The following LMBR1 variants were observed in gnomAD, a reference collection of about 807,000 sequenced individuals.
The protein encoded by LMBR1 is limb development membrane protein 1.
In LMBR1, 52 loss-of-function variants were observed where a neutral mutation model predicts 73.9. The observed-to-expected ratio is 0.70, with a 90% CI of 0.56 to 0.89. The LOEUF is 0.89. LMBR1 is among the 40% of genes least tolerant of loss of function. LMBR1 has a pLI of 0.00. For missense variants in LMBR1, 539 were observed against 579.8 expected (o/e 0.93, Z 0.72); for synonymous variants, 215 against 209.4 (o/e 1.03, Z -0.23).
chr7:156,855,969 G>A (rs1796906963), intron 1 of LMBR1, among the ~76,000 whole-genome samples: 2 of 152,324 alleles, frequency 1.3e-5, no homozygotes, highest in African/African-American at 4.8e-5. Context: ...GCCGAGGCGG[G>A]CAGATCACGA....
At chr7:156,789,809 G>A (rs1298209532) in intron 5 of LMBR1, among the ~76,000 whole-genome samples, 1 of 152,122 alleles carries the variant, frequency 6.6e-6, no homozygotes, top group Non-Finnish European at 1.5e-5. Context: ...CCAAGGGTGA[G>A]TAGTTTTCTA....
intron 1 of LMBR1, among the ~76,000 whole-genome samples, chr7:156,886,461 T>A (rs968544921): frequency 1.3e-5 from 2 of 152,312 alleles, no homozygotes; most frequent in Non-Finnish European, 1.5e-5. Flanking sequence ...AATGAGGCCC[T>A]GTAGTCAGAT....
At chr7:156,799,711 G>A (rs1830620478) in intron 4 of LMBR1, among the ~76,000 whole-genome samples, 1 of 151,792 alleles carries the variant, frequency 6.6e-6, no homozygotes, top group Non-Finnish European at 1.5e-5. Context: ...GAAGCTTAGT[G>A]AGGAAGGCAT....
At chr7:156,711,173 G>A (rs964241455) in intron 15 of LMBR1, among the ~76,000 whole-genome samples, 1 of 152,124 alleles carries the variant, frequency 6.6e-6, no homozygotes. Context: ...AGCTGTGTGT[G>A]GTGGCGCACA....
chr7:156,804,087 T>C (rs912649952), intron 4 of LMBR1, among the ~76,000 whole-genome samples: 1 of 152,038 alleles, frequency 6.6e-6, no homozygotes, highest in African/African-American at 2.4e-5. Context: ...GGCACATGTA[T>C]ACATATGTAA....
intron 9 of LMBR1, 121 bp downstream of exon 9, chr7:156,756,272 T>G: frequency 3.3e-6 from 2 of 598,578 alleles, no homozygotes; most frequent in Non-Finnish European, 5.9e-6. Context: ...TACTCTAAAG[T>G]GTTCTCCTCT....
At chr7:156,786,207 GGGAAGGAAGGA>G (rs1427618840) in intron 5 of LMBR1, among the ~76,000 whole-genome samples, 4 of 145,522 alleles carry the variant, frequency 2.7e-5, no homozygotes, top group Non-Finnish European at 6.1e-5. Context: ...GGGAAGGGAA[GGGAAGGAAGGA>G]GGAAGGGAAG....
intron 2 of LMBR1, among the ~76,000 whole-genome samples, chr7:156,834,291 C>T (rs139864764): frequency 8.8e-4 from 134 of 152,218 alleles, no homozygotes; most frequent in African/African-American, 3.0e-3. Context: ...GCCTCAGTAA[C>T]TCATAATTAT....
At chr7:156,806,729 A>G (rs1031010923) in intron 4 of LMBR1, among the ~76,000 whole-genome samples, 2 of 147,948 alleles carry the variant, frequency 1.4e-5, no homozygotes, top group Admixed American at 1.4e-4. Flanking sequence ...CTCCTGTCTC[A>G]GCCTCCCGAA....
intron 5 of LMBR1, among the ~76,000 whole-genome samples, chr7:156,794,458 T>C (rs1251771799): frequency 6.6e-6 from 1 of 152,176 alleles, no homozygotes; most frequent in African/African-American, 2.4e-5. Context: ...ATTTTTTTCT[T>C]TTTTAATTCT....
Position 156,844,011 on chromosome 7 carries a change from T to C in LMBR1, c.67-7126A>G, listed in dbSNP as rs115408611. ...CTAATAATTTAAAAACAAATGTAAG[T>C]ATTATTATTGAAATAAAAGTCATAC... On this transcript the variant is annotated intron_variant, in intron 1 of 16. Transcript: ENST00000353442. 4.2e-3 allele frequency among the ~76,000 whole-genome samples: 637 copies of C among 152,144 alleles called. 4 individuals are homozygous for C. Among genetic ancestry groups the C allele is most frequent in the African/African-American group, 0.015 (614 of 41,454 alleles).
At chr7:156,842,420 A>AT (rs1838883238) in intron 1 of LMBR1, among the ~76,000 whole-genome samples, 1 of 152,156 alleles carries the variant, frequency 6.6e-6, no homozygotes. Context: ...TTTACTTTTT[A>AT]AGGAATAACA....
chr7:156,798,252 A>C (rs1450564356), intron 4 of LMBR1, among the ~76,000 whole-genome samples: 1 of 152,218 alleles, frequency 6.6e-6, no homozygotes, highest in African/African-American at 2.4e-5. Flanking sequence ...AATGCCTGTC[A>C]TAAAATAAGC....
At chr7:156,674,496 A>C (rs1803348561), downstream of LMBR1, among the ~76,000 whole-genome samples, 1 of 152,170 alleles carries the variant, frequency 6.6e-6, no homozygotes, top group African/African-American at 2.4e-5. Context: ...ACTAAAAAGG[A>C]GCCGCTGGTG....
At chr7:156,740,001 A>G (rs894928516) in intron 9 of LMBR1, among the ~76,000 whole-genome samples, 2 of 152,176 alleles carry the variant, frequency 1.3e-5, no homozygotes, top group African/African-American at 4.8e-5. Flanking sequence ...AATTCAAGAT[A>G]ATACAGAGAA....
intron 9 of LMBR1, among the ~76,000 whole-genome samples, chr7:156,737,942 T>C (rs1264040801): frequency 6.6e-6 from 1 of 152,202 alleles, no homozygotes; most frequent in Non-Finnish European, 1.5e-5. Flanking sequence ...TAGAAGCCTC[T>C]ACCGATTGTC....
At chr7:156,761,995 T>TAATAA in intron 8 of LMBR1, 139 bp downstream of exon 8, 2 of 469,382 alleles carry the variant, frequency 4.3e-6, no homozygotes, top group Non-Finnish European at 7.5e-6. Context: ...AAAAAAAACT[T>TAATAA]AATAAAACAA....
intron 12 of LMBR1, 152 bp from the exon 13 acceptor site, chr7:156,725,989 CATT>C (rs1815674508): frequency 1.9e-6 from 1 of 516,634 alleles, no homozygotes; most frequent in Admixed American, 3.9e-5. Flanking sequence ...CAAGACATGA[CATT>C]AGACTGATTT....
At position 156,669,317 on chromosome 7, in the gene LMBR1, G is replaced by C. The variant is rs1381992228; in HGVS notation, n.867-30C>G. ...GGAGAGACAAATAATAAAATATTTT[G>C]TTACAATTTTCAAGAATAAGTGCCA... On this transcript the variant is annotated intron_variant and non_coding_transcript_variant, in intron 4 of 4. Transcript: ENST00000430825. The surrounding 1 kb of genome is among the most constrained non-coding windows in gnomAD (Gnocchi z 4.2). 6.6e-6 allele frequency: 1 copy of C among 152,182 alleles called. No individual in the cohort carries two copies. Among genetic ancestry groups the C allele is most frequent in the Non-Finnish European group, 1.5e-5 (1 of 68,036 alleles). The allele number at this position is 152,182 out of a possible 1,614,324, so 9.4% of individuals were successfully genotyped here.
Sources: gnomAD v4.1 joint callset for allele counts (sites outside exome capture counted in the v4.1 genomes callset) on GRCh38, gnomAD v4.1.1 for gene constraint, Gnocchi (gnomAD v3.1) non-coding constraint, MANE v1.5 for transcripts, NCBI Gene and HGNC (gene_info 2026-07-23, HGNC 2026-07-21) for gene names.